ASCC1: variants seen among roughly 807,000 people sequenced by gnomAD.
The protein encoded by ASCC1 is ASC-1 complex subunit P50.
In ASCC1, 35 loss-of-function variants were observed where a neutral mutation model predicts 46.6. That is an observed-to-expected ratio of 0.75 (90% CI 0.57 to 0.99). The LOEUF is 0.99. Among genes scored for constraint, ASCC1 ranks in the 50% least tolerant of loss-of-function variants. The probability of loss-of-function intolerance (pLI) is 0.00; values close to 1 mark genes in which losing one functional copy is unlikely to be tolerated. For synonymous variants in ASCC1, 143 were observed against 146.6 expected (o/e 0.98, Z 0.18); for missense variants, 376 against 428.7 (o/e 0.88, Z 1.09).
At chr10:72,103,194 G>C (rs536644613) in intron 9 of ASCC1, among the ~76,000 whole-genome samples, 1 of 150,884 alleles carries the variant, frequency 6.6e-6, no homozygotes, top group African/African-American at 2.4e-5. Flanking sequence ...GTGCAGTGGC[G>C]CGATCTCAGC....
intron 9 of ASCC1, among the ~76,000 whole-genome samples, chr10:72,125,975 G>A (rs968352667): frequency 6.6e-6 from 1 of 152,052 alleles, no homozygotes; most frequent in African/African-American, 2.4e-5. Flanking sequence ...TATTATATTC[G>A]ATACAAAAAT....
intron 5 of ASCC1, among the ~76,000 whole-genome samples, chr10:72,173,890 C>T (rs1020546016): frequency 6.6e-6 from 1 of 152,266 alleles, no homozygotes; most frequent in African/African-American, 2.4e-5. Flanking sequence ...AACTATCTTA[C>T]TCCATTAGGT....
At chr10:72,217,019 G>A (rs1564786624), upstream of ASCC1, 1 of 454,668 alleles carries the variant, frequency 2.2e-6, no homozygotes, top group Non-Finnish European at 4.4e-6. Flanking sequence ...CCTTTGCTGA[G>A]CTGCTCGCCC....
At chr10:72,184,716 A>G (rs190905735) in intron 5 of ASCC1, among the ~76,000 whole-genome samples, 264 of 152,072 alleles carry the variant, frequency 1.7e-3, no homozygotes, top group African/African-American at 6.1e-3. Flanking sequence ...ATACAAAATC[A>G]GTATGGATAC....
chr10:72,143,115 G>A (rs938784244), intron 7 of ASCC1, among the ~76,000 whole-genome samples: 9 of 150,248 alleles, frequency 6.0e-5, no homozygotes, highest in Non-Finnish European at 1.5e-5. Context: ...GAGCAGAGAT[G>A]GTGCCACTGC....
intron 6 of ASCC1, among the ~76,000 whole-genome samples, chr10:72,154,065 C>T (rs554411642): frequency 6.6e-6 from 1 of 152,148 alleles, no homozygotes; most frequent in Non-Finnish European, 1.5e-5. Flanking sequence ...TTATGAGAAG[C>T]CTTCATCAAT....
chr10:72,110,190 C>G (rs1564585208), intron 9 of ASCC1, among the ~76,000 whole-genome samples: 1 of 152,200 alleles, frequency 6.6e-6, no homozygotes, highest in South Asian at 2.1e-4. Flanking sequence ...GTGTGGTCAT[C>G]TTCCCTCAGG....
chr10:72,210,825 A>G lies in ASCC1; in HGVS notation c.119T>C (p.Met40Thr). 1 of 1,613,872 alleles carries G rather than the reference A, an allele frequency of 6.2e-7. No individual in the cohort carries two copies. Among genetic ancestry groups the G allele is most frequent in the Non-Finnish European group, 8.5e-7 (1 of 1,179,912 alleles). Residue 40 changes from methionine to threonine, a missense_variant, in exon 3 of 10, where the codon ATG becomes ACG. Coordinates refer to ENST00000672957, the MANE Select transcript of ASCC1 (RefSeq NM_001198800.3). ...EDEEDFYQGS[M>T]ECADEPCDAY... ...ATCACAGGGCTCATCAGCACACTCC[A>G]TGGAGCCTGCACAGAAACCATCACA...
At chr10:72,115,441 A>G (rs746140792) in intron 9 of ASCC1, among the ~76,000 whole-genome samples, 1 of 152,220 alleles carries the variant, frequency 6.6e-6, no homozygotes, top group Non-Finnish European at 1.5e-5. Flanking sequence ...AACAAGTATC[A>G]TTTGAATACA....
At chr10:72,132,029 C>T (rs1477941579) in intron 8 of ASCC1, among the ~76,000 whole-genome samples, 3 of 151,932 alleles carry the variant, frequency 2.0e-5, no homozygotes, top group Non-Finnish European at 2.9e-5. Flanking sequence ...CCACCACACC[C>T]GGCTAATTTT....
chr10:72,193,911 C>T (rs1463023629), intron 5 of ASCC1, among the ~76,000 whole-genome samples: 1 of 151,384 alleles, frequency 6.6e-6, no homozygotes, highest in East Asian at 1.9e-4. Flanking sequence ...CTCTGCTCAC[C>T]GCAAGCTCCA....
At chr10:72,100,311 C>T (rs1841601192) in intron 9 of ASCC1, among the ~76,000 whole-genome samples, 1 of 151,964 alleles carries the variant, frequency 6.6e-6, no homozygotes, top group Non-Finnish European at 1.5e-5. Flanking sequence ...TCACCACAAC[C>T]TCTGCCTCCC....
At chr10:72,204,548 T>G (rs574896786) in intron 3 of ASCC1, 1 of 1,522,490 alleles carries the variant, frequency 6.6e-7, no homozygotes, top group East Asian at 2.6e-5. Flanking sequence ...TATAAAGCAC[T>G]AAGAGGCCAT....
At chr10:72,217,116 C>G (rs986523563), upstream of ASCC1, 1 of 451,876 alleles carries the variant, frequency 2.2e-6, no homozygotes, top group African/African-American at 2.0e-5. Context: ...GTTCTGTGCT[C>G]GGCATTGAGG....
At chr10:72,197,751 C>T (rs1589589550) in intron 4 of ASCC1, among the ~76,000 whole-genome samples, 1 of 150,768 alleles carries the variant, frequency 6.6e-6, no homozygotes, top group African/African-American at 2.4e-5. Flanking sequence ...ACTAAAAATA[C>T]AAAAATTAGC....
intron 5 of ASCC1, among the ~76,000 whole-genome samples, chr10:72,186,130 G>A (rs1837464435): frequency 6.6e-6 from 1 of 151,200 alleles, no homozygotes; most frequent in Admixed American, 6.6e-5. Context: ...AATTAAAAAA[G>A]TAATATAATA....
chr10:72,209,466 G>A (rs2133469417), intron 3 of ASCC1, among the ~76,000 whole-genome samples: 1 of 152,090 alleles, frequency 6.6e-6, no homozygotes, highest in East Asian at 1.9e-4. Flanking sequence ...TGGCAACAGT[G>A]CGACACCCTG....
chr10:72,210,228 C>T (rs1159612948), intron 3 of ASCC1, among the ~76,000 whole-genome samples: 2 of 150,048 alleles, frequency 1.3e-5, no homozygotes, highest in African/African-American at 2.5e-5. Context: ...GGCACAATCT[C>T]GGCTCACTGC....
chr10:72,138,600 C>CTTTTTTT (rs1011535460), intron 7 of ASCC1, among the ~76,000 whole-genome samples: 62 of 104,500 alleles, frequency 5.9e-4, no homozygotes, highest in Middle Eastern at 6.8e-3. Flanking sequence ...TTCTTTCTTT[C>CTTTTTTT]TTTTTTTTTT....
Sources: gnomAD v4.1 joint callset for allele counts (sites outside exome capture counted in the v4.1 genomes callset) on GRCh38, gnomAD v4.1.1 for gene constraint, MANE v1.5 for transcripts, NCBI Gene and HGNC (gene_info 2026-07-23, HGNC 2026-07-21) for gene names.